NOL4: variants seen among roughly 807,000 people sequenced by gnomAD.
NOL4 encodes the protein nucleolar protein 4, also known as cancer/testis antigen 125.
Under a neutral mutation model 75.9 loss-of-function variants are expected in NOL4, and 17 were observed. The ratio of observed to expected loss-of-function variants is 0.22; its 90% confidence interval spans 0.15 to 0.34. NOL4 has a LOEUF of 0.34. NOL4 is among the 10% of genes least tolerant of loss of function. The pLI, the probability that NOL4 is intolerant of heterozygous loss-of-function variation, is 1.00. For missense variants in NOL4, 614 were observed against 793.5 expected, an observed-to-expected ratio of 0.77 and a Z score of 2.72; for synonymous variants, 292 against 289.9, an observed-to-expected ratio of 1.01 and a Z score of -0.07.
chr18:34,095,797 T>C (rs905104384), intron 4 of NOL4, among the ~76,000 whole-genome samples: 2 of 152,106 alleles, frequency 1.3e-5, no homozygotes, highest in Non-Finnish European at 1.5e-5. Context: ...TTCAATATAA[T>C]GGTAAAGGCA....
At chr18:33,897,067 A>G (rs566273742) in intron 9 of NOL4, among the ~76,000 whole-genome samples, 1 of 152,320 alleles carries the variant, frequency 6.6e-6, no homozygotes, top group East Asian at 1.9e-4. Context: ...ACAGTGAGAT[A>G]CCACCTCACA....
chr18:34,004,689 C>G (rs1247959746), intron 6 of NOL4, among the ~76,000 whole-genome samples: 1 of 151,892 alleles, frequency 6.6e-6, no homozygotes, highest in African/African-American at 2.4e-5. Context: ...ACCCACACAC[C>G]CTAGTCAAAT....
chr18:33,987,728 C>A (rs962719938), intron 6 of NOL4, among the ~76,000 whole-genome samples: 4 of 152,036 alleles, frequency 2.6e-5, no homozygotes, highest in Admixed American at 2.6e-4. Flanking sequence ...ATTCCTAGGT[C>A]TCCTGAATCT....
intron 1 of NOL4, among the ~76,000 whole-genome samples, chr18:34,211,140 G>A (rs1232814849): frequency 7.1e-6 from 1 of 140,976 alleles, no homozygotes; most frequent in Non-Finnish European, 1.6e-5. Flanking sequence ...AGGAAGGAAG[G>A]AAAAGAAAAA....
intron 6 of NOL4, among the ~76,000 whole-genome samples, chr18:34,015,755 T>G (rs1231492316): frequency 2.0e-5 from 3 of 152,074 alleles, no homozygotes; most frequent in African/African-American, 7.2e-5. Context: ...ATATGTCCAA[T>G]GGACACTGCA....
At chr18:34,143,500 T>C (rs75387181) in intron 1 of NOL4, among the ~76,000 whole-genome samples, 2 of 152,138 alleles carry the variant, frequency 1.3e-5, no homozygotes, top group Non-Finnish European at 2.9e-5. Flanking sequence ...TTCTCAATAT[T>C]TTTTTGTAAT....
intron 5 of NOL4, among the ~76,000 whole-genome samples, chr18:34,087,646 T>C (rs1417188891): frequency 6.6e-6 from 1 of 152,080 alleles, no homozygotes; most frequent in Non-Finnish European, 1.5e-5. Flanking sequence ...GTTGAGTGAA[T>C]AATGAAATAT....
intron 5 of NOL4, among the ~76,000 whole-genome samples, chr18:34,052,084 T>C (rs2076647004): frequency 2.6e-5 from 4 of 152,038 alleles, no homozygotes; most frequent in Admixed American, 2.0e-4. Context: ...CTTATCTGCA[T>C]ATTAACTAGC....
chr18:34,124,725 T>C (rs11081844), intron 2 of NOL4, among the ~76,000 whole-genome samples: 33,541 of 151,792 alleles, frequency 0.22, 4,362 homozygotes, highest in East Asian at 0.43. Context: ...ACCAACATGG[T>C]GAAACCCCAT....
intron 1 of NOL4, among the ~76,000 whole-genome samples, chr18:34,163,331 T>G (rs923252810): frequency 6.6e-6 from 1 of 151,588 alleles, no homozygotes; most frequent in South Asian, 2.1e-4. Context: ...TGATTGTATA[T>G]CTAGAAAACC....
chr18:34,061,289 T>C (rs1397235274), intron 5 of NOL4, among the ~76,000 whole-genome samples: 1 of 152,196 alleles, frequency 6.6e-6, no homozygotes. Context: ...TTATTCTTAA[T>C]GATACTCTTC....
At chr18:34,090,518 G>A (rs1016969941) in intron 5 of NOL4, among the ~76,000 whole-genome samples, 4 of 152,098 alleles carry the variant, frequency 2.6e-5, no homozygotes, top group Non-Finnish European at 4.4e-5. Context: ...AGATGTTATG[G>A]AAAGCAACAT....
chr18:34,163,739 A>C (rs1332115179), intron 1 of NOL4, among the ~76,000 whole-genome samples: 24 of 152,162 alleles, frequency 1.6e-4, no homozygotes, highest in Non-Finnish European at 8.8e-5. Flanking sequence ...GGAAAAAACT[A>C]CTTTAAAGTT....
chr18:34,005,187 T>C (rs1352521842), intron 6 of NOL4, among the ~76,000 whole-genome samples: 2 of 152,122 alleles, frequency 1.3e-5, no homozygotes, highest in African/African-American at 2.4e-5. Flanking sequence ...TATTGGTTCA[T>C]GCCTCAGTGC....
chr18:34,050,548 A>C lies in NOL4; in HGVS notation c.773-30947T>G, dbSNP rs1281384700. Among the ~76,000 whole-genome samples the C allele has an allele frequency of 3.3e-5, 5 of 152,252 alleles. No homozygotes were observed. In the East Asian group the frequency reaches 7.7e-4, roughly 24 times the overall value. On this transcript the variant is annotated intron_variant, in intron 5 of 10. Coordinates refer to ENST00000261592, the MANE Select transcript of NOL4 (RefSeq NM_003787.5). ...ATATTGTTTGTAGAAAAAATTATTT[A>C]AGTAGTTATGGTGAGTGTGCCACAA...
intron 1 of NOL4, among the ~76,000 whole-genome samples, chr18:34,198,455 T>A (rs560868296): frequency 1.3e-5 from 2 of 152,034 alleles, no homozygotes; most frequent in Admixed American, 1.3e-4. Context: ...ATAGATGAAT[T>A]ATTTTTCAGT....
intron 6 of NOL4, among the ~76,000 whole-genome samples, chr18:34,003,089 A>C (rs940692130): frequency 1.3e-5 from 2 of 152,098 alleles, no homozygotes; most frequent in Non-Finnish European, 2.9e-5. Context: ...ATAATTTTAC[A>C]TGTTATTTTT....
At chr18:33,932,371 T>C (rs748254458) in intron 9 of NOL4, among the ~76,000 whole-genome samples, 1 of 152,060 alleles carries the variant, frequency 6.6e-6, no homozygotes, top group Non-Finnish European at 1.5e-5. Context: ...TTTCTTAAAG[T>C]TAAGACAAGC....
chr18:34,059,688 T>C (rs1220512961), intron 5 of NOL4, among the ~76,000 whole-genome samples: 1 of 152,092 alleles, frequency 6.6e-6, no homozygotes, highest in Non-Finnish European at 1.5e-5. Context: ...CTTTAACCAG[T>C]AGAATATAGA....
Sources: allele counts gnomAD v4.1 joint callset (sites outside exome capture counted in the v4.1 genomes callset), GRCh38; gene constraint gnomAD v4.1.1; transcripts MANE v1.5; gene names NCBI Gene and HGNC (gene_info 2026-07-23, HGNC 2026-07-21).